The following GLIS3 variants were observed in gnomAD, a reference collection of about 807,000 sequenced individuals.
The protein encoded by GLIS3 is GLIS family zinc finger 3, also known as zinc finger protein GLIS3.
In GLIS3, 53 loss-of-function variants were observed where a neutral mutation model predicts 78.6. The observed-to-expected ratio is 0.67, with a 90% CI of 0.54 to 0.85. The LOEUF is 0.85. Ranked by LOEUF, GLIS3 falls within the 40% of genes least tolerant of loss-of-function variation. GLIS3 has a pLI of 0.00. For synonymous variants in GLIS3, 684 were observed against 509.9 expected, an observed-to-expected ratio of 1.34 and a Z score of -4.60; for missense variants, 1,703 against 1,231.1, an observed-to-expected ratio of 1.38 and a Z score of -5.74.
intron 2 of GLIS3, among the ~76,000 whole-genome samples, chr9:4,244,795 C>G (rs1052920791): frequency 3.3e-5 from 5 of 152,008 alleles, no homozygotes; most frequent in African/African-American, 1.2e-4. Flanking sequence ...AGGCTGGTCT[C>G]GAACTCCTGG....
rs76673069 is a variant in GLIS3, at chr9:4,263,885, T to C, written c.388+22153A>G. On this transcript the variant is annotated intron_variant, in intron 2 of 10. Transcript: ENST00000381971. Reference sequence around the variant, plus strand: ...TTCTTCCTCTTTCTAGCCTCCAATGTTGATTTCTTCATGGCTCAGTTATTG... The same window carrying C: ...TTCTTCCTCTTTCTAGCCTCCAATGCTGATTTCTTCATGGCTCAGTTATTG... Among the ~76,000 whole-genome samples, 40 of 152,340 alleles carry C rather than the reference T, an allele frequency of 2.6e-4. No homozygotes were observed. The East Asian group carries it at 6.4e-3, about 24-fold the overall frequency.
Position 4,004,468 on chromosome 9 carries a change from T to C in GLIS3, c.1711-67279A>G, listed in dbSNP as rs533822582. ...GAGTTAACAGCTAGTAGCAAAGTCA[T>C]CCAAAAGGTGATGGGATGAAAGGAG... On this transcript the variant is annotated intron_variant, in intron 4 of 10. Transcript: ENST00000381971. Among the ~76,000 whole-genome samples, 13 of 152,258 alleles carry C rather than the reference T, an allele frequency of 8.5e-5. 1 individual carries two copies. In the South Asian group the frequency reaches 2.7e-3, roughly 32 times the overall value.
At chr9:3,859,541 G>T (rs1313460021) in intron 8 of GLIS3, among the ~76,000 whole-genome samples, 1 of 152,096 alleles carries the variant, frequency 6.6e-6, no homozygotes, top group African/African-American at 2.4e-5. Context: ...ATAGTTATTT[G>T]CCATTTTCCC....
chr9:4,126,072 G>A, intron 2 of GLIS3, 131 bp from the exon 3 acceptor site: 1 of 713,268 alleles, frequency 1.4e-6, no homozygotes, highest in South Asian at 1.6e-5. Context: ...TTTAGTATTG[G>A]TGATAGCAAA....
At chr9:4,323,113 G>C (rs1312626442) in intron 2 of GLIS3, among the ~76,000 whole-genome samples, 2 of 152,180 alleles carry the variant, frequency 1.3e-5, no homozygotes, top group African/African-American at 2.4e-5. Context: ...AAGGGATCCA[G>C]TTTCAGCCTT....
chr9:4,318,070 T>A (rs1182357868), intron 2 of GLIS3, among the ~76,000 whole-genome samples: 1 of 152,202 alleles, frequency 6.6e-6, no homozygotes, highest in Non-Finnish European at 1.5e-5. Flanking sequence ...CAAAGTAAGT[T>A]ATTTCAGCAG....
chr9:4,287,256 G>C (rs549066077), intron 1 of GLIS3, among the ~76,000 whole-genome samples: 28 of 152,192 alleles, frequency 1.8e-4, no homozygotes, highest in Non-Finnish European at 3.8e-4. Context: ...AGCATAAGGA[G>C]AGAACGTCCC....
intron 2 of GLIS3, among the ~76,000 whole-genome samples, chr9:4,238,696 C>T (rs1251356977): frequency 6.6e-6 from 1 of 152,202 alleles, no homozygotes; most frequent in Non-Finnish European, 1.5e-5. Context: ...TGTCATTCCT[C>T]ATGAGTCAGA....
intron 4 of GLIS3, among the ~76,000 whole-genome samples, chr9:3,943,331 C>T (rs1816072806): frequency 6.6e-6 from 1 of 152,174 alleles, no homozygotes; most frequent in Admixed American, 6.5e-5. Context: ...CCTTCTGCTC[C>T]TTGTTTTGTT....
At chr9:3,951,854 A>G (rs1022907199) in intron 4 of GLIS3, among the ~76,000 whole-genome samples, 17 of 144,044 alleles carry the variant, frequency 1.2e-4, no homozygotes, top group African/African-American at 4.4e-4. Flanking sequence ...ACACACACAC[A>G]CACACACACA....
At chr9:4,194,155 T>A (rs1203343973) in intron 2 of GLIS3, among the ~76,000 whole-genome samples, 1 of 152,130 alleles carries the variant, frequency 6.6e-6, no homozygotes, top group Non-Finnish European at 1.5e-5. Flanking sequence ...CCTCCTGGGT[T>A]CAAGCAACTC....
chr9:4,260,079 T>C (rs1023628600), intron 2 of GLIS3, among the ~76,000 whole-genome samples: 1 of 152,172 alleles, frequency 6.6e-6, no homozygotes, highest in African/African-American at 2.4e-5. Flanking sequence ...TGACCTCTGA[T>C]CTACACACTT....
At chr9:4,287,085 T>C (rs1460896386) in intron 1 of GLIS3, among the ~76,000 whole-genome samples, 2 of 152,226 alleles carry the variant, frequency 1.3e-5, no homozygotes, top group African/African-American at 4.8e-5. Flanking sequence ...AATTTTTATA[T>C]ATCCACATAT....
the GLIS3 span, among the ~76,000 whole-genome samples, chr9:4,404,422 T>C: frequency 6.6e-6 from 1 of 152,176 alleles, no homozygotes; most frequent in African/African-American, 2.4e-5. Context: ...GAATATACAT[T>C]CTTCTCAGTA....
chr9:4,216,639 C>T (rs1820876360), intron 2 of GLIS3, among the ~76,000 whole-genome samples: 1 of 152,112 alleles, frequency 6.6e-6, no homozygotes, highest in East Asian at 1.9e-4. Context: ...CATGGTGATG[C>T]ATACCTAGTT....
chr9:4,297,085 G>T (rs1416119772), intron 1 of GLIS3, among the ~76,000 whole-genome samples: 1 of 151,564 alleles, frequency 6.6e-6, no homozygotes, highest in Admixed American at 6.6e-5. Context: ...AGAAGAAGTA[G>T]GAAGGTTTAA....
At chr9:3,878,976 C>T (rs118107750) in intron 8 of GLIS3, among the ~76,000 whole-genome samples, 4,650 of 152,052 alleles carry the variant, frequency 0.031, 103 homozygotes, top group Middle Eastern at 0.051. Context: ...AAAAATTTCT[C>T]CCAGAAGTCC....
In GLIS3 at chr9:4,297,329, C is replaced by T. The variant is rs78428020; in HGVS notation, c.-99+2092G>A. ...GGGACCTGAGAACTTTAAGGGTCTGCGACAACTGGCTGTGAGGCCTTGGGC... is the reference window on the plus strand; with the variant it reads ...GGGACCTGAGAACTTTAAGGGTCTGTGACAACTGGCTGTGAGGCCTTGGGC... On this transcript the variant is annotated intron_variant, in intron 1 of 10. Coordinates refer to ENST00000381971, the MANE Select transcript of GLIS3 (RefSeq NM_001042413.2). Among the ~76,000 whole-genome samples the T allele has an allele frequency of 4.5e-3, 689 of 152,258 alleles. 5 individuals are homozygous for T. Among genetic ancestry groups the T allele is most frequent in the African/African-American group, 0.015 (637 of 41,532 alleles).
chr9:4,342,408 G>C (rs1022160609), intron 2 of GLIS3, among the ~76,000 whole-genome samples: 3 of 152,132 alleles, frequency 2.0e-5, no homozygotes, highest in African/African-American at 7.2e-5. Context: ...GTGATTGTAG[G>C]TGTGTGGCTT....
Sources: allele counts gnomAD v4.1 joint callset (sites outside exome capture counted in the v4.1 genomes callset), GRCh38; gene constraint gnomAD v4.1.1; transcripts MANE v1.5; gene names NCBI Gene and HGNC (gene_info 2026-07-23, HGNC 2026-07-21).